The following FCGR2B variants were observed in gnomAD, a reference collection of about 807,000 sequenced individuals.
FCGR2B encodes the protein Fc gamma receptor IIb, also known as low affinity immunoglobulin gamma Fc region receptor II-b.
Under a neutral mutation model 24.8 loss-of-function variants are expected in FCGR2B, and 18 were observed. The observed-to-expected ratio is 0.73, with a 90% CI of 0.50 to 1.08. FCGR2B has a LOEUF of 1.08. Ranked by LOEUF, FCGR2B falls within the 50% of genes least tolerant of loss-of-function variation. The pLI is 0.00. For missense variants in FCGR2B, 215 were observed against 297.6 expected (o/e 0.72, Z 2.04); for synonymous variants, 79 against 109.8 (o/e 0.72, Z 1.75).
intron 6 of FCGR2B, chr1:161,677,107 A>G (rs1571034526): frequency 1.8e-6 from 1 of 567,958 alleles, no homozygotes; most frequent in East Asian, 3.2e-5. Flanking sequence ...TGACTGCTCC[A>G]CTTTTTCACC....
the FCGR2B span, among the ~76,000 whole-genome samples, chr1:161,648,025 G>T: frequency 7.3e-5 from 11 of 150,738 alleles, 1 homozygote; most frequent in African/African-American, 2.2e-4. Flanking sequence ...ATAAGTATGA[G>T]TTGGGAAGAT....
chr1:161,674,882 C>G (rs1681981704), intron 5 of FCGR2B: 1 of 167,624 alleles, frequency 6.0e-6, no homozygotes, highest in African/African-American at 2.4e-5. Flanking sequence ...CTGCTAACAC[C>G]TCACAAAGCA....
At position 161,671,461 on chromosome 1, in the gene FCGR2B, C is replaced by A. The variant is rs764194070; in HGVS notation, c.203C>A (p.Thr68Asn). 6.2e-7 allele frequency: 1 copy of A among 1,614,226 alleles called. No individual in the cohort carries two copies. The highest frequency in any genetic ancestry group is 8.5e-7 in the Non-Finnish European group (1 of 1,180,042). ...AACGTGCTCCAGGAGGACTCTGTGA[C>A]TCTGACATGCCGGGGGACTCACAGC... ...WINVLQEDSV[T>N]LTCRGTHSPE... The change falls in exon 3 of 8, where the codon ACT becomes AAT. Residue 68 changes from threonine (T) to asparagine (N), a missense_variant. By Grantham distance (65) the Thr-to-Asn change is moderately conservative. Transcript: ENST00000358671.
intron 3 of FCGR2B, 86 bp downstream of exon 3, chr1:161,671,735 G>A (rs1681683231): frequency 6.3e-7 from 1 of 1,593,730 alleles, no homozygotes; most frequent in Non-Finnish European, 8.6e-7. Context: ...AGGAAAGGGG[G>A]GTGGCCTGCT....
chr1:161,648,555 C>T, the FCGR2B span, among the ~76,000 whole-genome samples: 11 of 150,966 alleles, frequency 7.3e-5, no homozygotes, highest in Non-Finnish European at 8.8e-5. Flanking sequence ...TGCACACTTA[C>T]GAATTAGCTT....
intron 2 of FCGR2B, 63 bp from the exon 3 acceptor site, chr1:161,671,329 T>G: frequency 6.2e-7 from 1 of 1,612,950 alleles, no homozygotes; most frequent in Non-Finnish European, 8.5e-7. Context: ...TGTCTGAGAT[T>G]CAGGGCCTCT....
chr1:161,669,525 G>A lies in FCGR2B; in HGVS notation c.113-727G>A, dbSNP rs543766305. ...GCGGAGGTTGCAGTGAGCCAAGATCGCGTTATTGCACTCCAGCCTGGGTGA... is the reference window on the plus strand; with the variant it reads ...GCGGAGGTTGCAGTGAGCCAAGATCACGTTATTGCACTCCAGCCTGGGTGA... On this transcript the variant is annotated intron_variant, in intron 1 of 7. Transcript: ENST00000358671. Among the ~76,000 whole-genome samples the A allele has an allele frequency of 9.8e-5, 14 of 142,598 alleles. 1 individual carries two copies. Among genetic ancestry groups the A allele is most frequent in the East Asian group, 1.9e-4 (1 of 5,134 alleles). 93.5% of individuals were successfully genotyped at this position (142,598 alleles called of 152,430 possible). A position where few individuals can be genotyped will look rare whatever the true frequency, so the allele number is the denominator to read the frequency against.
the FCGR2B span, among the ~76,000 whole-genome samples, chr1:161,654,920 T>C: frequency 2.2e-5 from 3 of 139,156 alleles, no homozygotes; most frequent in Admixed American, 7.3e-5. Flanking sequence ...GGGGTGTTTC[T>C]AATGAAAACA....
the FCGR2B span, among the ~76,000 whole-genome samples, chr1:161,654,238 T>C: frequency 1.3e-3 from 166 of 131,402 alleles, 1 homozygote; most frequent in African/African-American, 3.8e-3. Flanking sequence ...AGTCGGGCCT[T>C]CTGTCCCTGG....
chr1:161,651,138 C>T, the FCGR2B span, among the ~76,000 whole-genome samples: 1,182 of 110,954 alleles, frequency 0.011, 1 homozygote, highest in Middle Eastern at 0.018. Flanking sequence ...AAGGGTACAT[C>T]GTAAAAGACT....
the FCGR2B span, among the ~76,000 whole-genome samples, chr1:161,652,192 C>T: frequency 7.6e-6 from 1 of 132,210 alleles, no homozygotes; most frequent in Non-Finnish European, 1.7e-5. Flanking sequence ...AATGTTTCTT[C>T]TCTCCCATTC....
At chr1:161,675,008 A>G (rs1350012995) in intron 5 of FCGR2B, 2 of 489,332 alleles carry the variant, frequency 4.1e-6, no homozygotes, top group African/African-American at 2.0e-5. Flanking sequence ...CAAGCCTCAG[A>G]CAGATGCCAT....
At chr1:161,654,670 A>C in the FCGR2B span, among the ~76,000 whole-genome samples, 85 of 133,302 alleles carry the variant, frequency 6.4e-4, 13 homozygotes, top group Admixed American at 2.0e-3. Flanking sequence ...CGATTTATTA[A>C]AAATTTTAGC....
upstream of FCGR2B, among the ~76,000 whole-genome samples, chr1:161,661,175 A>G (rs1467158460): frequency 2.4e-5 from 3 of 125,568 alleles, no homozygotes; most frequent in African/African-American, 9.8e-5. Context: ...AGAAAGAAGG[A>G]AGGAAGGAAG....
At chr1:161,677,159 C>T (rs1433122464) in intron 6 of FCGR2B, 169 bp from the exon 7 acceptor site, 7 of 684,990 alleles carry the variant, frequency 1.0e-5, no homozygotes, top group South Asian at 5.1e-5. Context: ...CCCTATGCAT[C>T]GATCAATGAG....
At chr1:161,672,637 T>A in intron 3 of FCGR2B, 1 of 420,216 alleles carries the variant, frequency 2.4e-6, no homozygotes, top group East Asian at 5.1e-5. Flanking sequence ...TCTTGTGTTC[T>A]TCCTGCAGAG....
At chr1:161,675,609 C>A in intron 6 of FCGR2B, 2 of 330,258 alleles carry the variant, frequency 6.1e-6, no homozygotes, top group Non-Finnish European at 1.1e-5. Flanking sequence ...ATCAGAGATA[C>A]TTTGGTCTTC....
chr1:161,671,747 A>G, intron 3 of FCGR2B, 98 bp downstream of exon 3: 2 of 1,581,834 alleles, frequency 1.3e-6, no homozygotes, highest in Non-Finnish European at 1.7e-6. Flanking sequence ...TGGCCTGCTT[A>G]CTGGGAAGTA....
chr1:161,676,422 A>G (rs987105093), intron 6 of FCGR2B: 1 of 181,462 alleles, frequency 5.5e-6, no homozygotes, highest in African/African-American at 2.4e-5. Context: ...TGGATTATCC[A>G]TCTTGTTGTG....
Sources: allele counts gnomAD v4.1 joint callset (sites outside exome capture counted in the v4.1 genomes callset), GRCh38; gene constraint gnomAD v4.1.1; transcripts MANE v1.5; gene names NCBI Gene and HGNC (gene_info 2026-07-23, HGNC 2026-07-21).